Variants in NEMP2 observed in about 807,000 individuals in gnomAD.
NEMP2 encodes UPF0571 transmembrane protein.
Under a neutral mutation model 54.2 loss-of-function variants are expected in NEMP2, and 53 were observed. That is an observed-to-expected ratio of 0.98 (90% CI 0.78 to 1.23). The LOEUF is 1.23. NEMP2 is among the 50% of genes most tolerant of loss of function. NEMP2 has a pLI of 0.00. For missense variants in NEMP2, 455 were observed against 511.3 expected, an observed-to-expected ratio of 0.89 and a Z score of 1.06; for synonymous variants, 197 against 190.3, an observed-to-expected ratio of 1.04 and a Z score of -0.29.
At chr2:190,596,372 C>T in the NEMP2 span, among the ~76,000 whole-genome samples, 2 of 152,306 alleles carry the variant, frequency 1.3e-5, no homozygotes, top group East Asian at 3.9e-4. The surrounding 1 kb of genome is among the most constrained non-coding windows in gnomAD (Gnocchi z 5.1). Flanking sequence ...ATCTTCTGCA[C>T]ATGCATCCCA....
chr2:190,438,121 TACATGAC>T, the NEMP2 span, among the ~76,000 whole-genome samples: 2 of 152,074 alleles, frequency 1.3e-5, no homozygotes, highest in East Asian at 3.8e-4. The surrounding 1 kb of genome is among the most constrained non-coding windows in gnomAD (Gnocchi z 5.2). Context: ...TTTGGGTTAT[TACATGAC>T]TCCCTGCATT....
chr2:190,514,375 T>G lies in NEMP2; in HGVS notation c.953+78A>C. The G allele has an allele frequency of 8.0e-7, 1 of 1,246,854 alleles. No homozygotes were observed. The highest frequency in any genetic ancestry group is 1.1e-6 in the Non-Finnish European group (1 of 874,616). 77.2% of individuals were successfully genotyped at this position (1,246,854 alleles called of 1,614,324 possible). On this transcript the variant is annotated intron_variant, in intron 7 of 8. Transcript: ENST00000409150. The surrounding 1 kb of genome is among the most constrained non-coding windows in gnomAD (Gnocchi z 5.7). The stretch of plus-strand genomic sequence containing the variant: ...AAATGTAATTATGAGATTAACATGA[T>G]GTGTGCAAACACTCTCCCAAATAAT...
At chr2:190,647,032 C>T in the NEMP2 span, among the ~76,000 whole-genome samples, 22 of 152,296 alleles carry the variant, frequency 1.4e-4, no homozygotes, top group African/African-American at 4.8e-4. Context: ...TCCCCACCAA[C>T]CAAGAAATTG....
chr2:190,624,126 GT>G, the NEMP2 span, among the ~76,000 whole-genome samples: 9 of 152,072 alleles, frequency 5.9e-5, no homozygotes, highest in Admixed American at 3.3e-4. Flanking sequence ...CCAAAAAGGA[GT>G]TGGGGGGCAA....
At chr2:190,437,341 T>C in the NEMP2 span, 2 of 1,614,150 alleles carry the variant, frequency 1.2e-6, no homozygotes, top group Admixed American at 1.7e-5. The surrounding 1 kb of genome is among the most constrained non-coding windows in gnomAD (Gnocchi z 5.9). Context: ...CTTTTGGGAC[T>C]TAATCAAGCT....
At position 190,522,840 on chromosome 2, in the gene NEMP2, A is replaced by G. The variant is rs1690797533; in HGVS notation, c.213+2423T>C. 6.6e-6 allele frequency among the ~76,000 whole-genome samples: 1 copy of G among 152,184 alleles called. No individual in the cohort carries two copies. Among genetic ancestry groups the G allele is most frequent in the African/African-American group, 2.4e-5 (1 of 41,442 alleles). ...TGCCAATCAGAAAATTTAAAAATCT[A>G]CCTATAACCTGGAACACTGCACCCC... is the stretch of plus-strand genomic sequence containing the variant. On this transcript the variant is annotated intron_variant, in intron 2 of 8. Coordinates refer to ENST00000409150, the MANE Select transcript of NEMP2 (RefSeq NM_001142645.2). The surrounding 1 kb of genome is among the most constrained non-coding windows in gnomAD (Gnocchi z 5.0).
At chr2:190,518,850 T>A in intron 3 of NEMP2, 42 bp from the exon 4 acceptor site, 1 of 1,523,314 alleles carries the variant, frequency 6.6e-7, no homozygotes, top group Non-Finnish European at 8.8e-7. Context: ...AAAGATTTTT[T>A]ATCAATGTAA....
rs1049309706 is a variant in NEMP2 at position 190,526,045 on chromosome 2, T to TTAAGGCACTAACAA, written c.98-681_98-668dup. Among the ~76,000 whole-genome samples, 29 of 152,250 alleles carry TTAAGGCACTAACAA rather than the reference T, an allele frequency of 1.9e-4. 1 individual carries two copies. The highest frequency in any genetic ancestry group is 1.6e-3 in the Admixed American group (25 of 15,288). On this transcript the variant is annotated intron_variant, in intron 1 of 8. Coordinates refer to ENST00000409150, the MANE Select transcript of NEMP2 (RefSeq NM_001142645.2). ...TAGTTCAGTAAAGATATGGACAGGG[T>TTAAGGCACTAACAA]TAAGGCACTAACAATAAGGCACTAA... is the stretch of plus-strand genomic sequence containing the variant.
At chr2:190,466,839 C>G in the NEMP2 span, among the ~76,000 whole-genome samples, 3 of 152,192 alleles carry the variant, frequency 2.0e-5, no homozygotes, top group African/African-American at 7.2e-5. Flanking sequence ...TTCATAGCCA[C>G]TCAGCTTGTT....
At chr2:190,613,859 G>A in the NEMP2 span, among the ~76,000 whole-genome samples, 14 of 151,942 alleles carry the variant, frequency 9.2e-5, no homozygotes, top group South Asian at 2.1e-4. Flanking sequence ...TAAAGTGCTG[G>A]GATTACAGAC....
the NEMP2 span, among the ~76,000 whole-genome samples, chr2:190,448,748 C>A: frequency 6.6e-6 from 1 of 152,146 alleles, no homozygotes; most frequent in African/African-American, 2.4e-5. Flanking sequence ...GGATGGGGAA[C>A]AAAGGGGACC....
At chr2:190,555,748 G>T in the NEMP2 span, among the ~76,000 whole-genome samples, 1 of 152,084 alleles carries the variant, frequency 6.6e-6, no homozygotes, top group African/African-American at 2.4e-5. The surrounding 1 kb of genome is among the most constrained non-coding windows in gnomAD (Gnocchi z 4.8). Context: ...ACACTCTTCA[G>T]GATATTATCC....
chr2:190,497,947 G>T, the NEMP2 span: 1 of 401,442 alleles, frequency 2.5e-6, no homozygotes, highest in South Asian at 6.9e-5. The surrounding 1 kb of genome is among the most constrained non-coding windows in gnomAD (Gnocchi z 5.2). Flanking sequence ...AACTTCAGAG[G>T]TTATGATTCT....
the NEMP2 span, among the ~76,000 whole-genome samples, chr2:190,587,875 C>T: frequency 6.6e-6 from 1 of 152,126 alleles, no homozygotes; most frequent in East Asian, 1.9e-4. The surrounding 1 kb of genome is among the most constrained non-coding windows in gnomAD (Gnocchi z 5.4). Flanking sequence ...GAGGGGTCAA[C>T]CTCAAATTTC....
the NEMP2 span, among the ~76,000 whole-genome samples, chr2:190,563,770 T>C: frequency 1.3e-5 from 2 of 152,194 alleles, no homozygotes; most frequent in Admixed American, 6.5e-5. The surrounding 1 kb of genome is among the most constrained non-coding windows in gnomAD (Gnocchi z 4.3). Context: ...ATAGCTGGAA[T>C]CAATAGGCTG....
chr2:190,519,429 C>T lies in NEMP2; in HGVS notation c.214-246G>A, dbSNP rs1285391606. On this transcript the variant is annotated intron_variant, in intron 2 of 8. Coordinates refer to ENST00000409150, the MANE Select transcript of NEMP2 (RefSeq NM_001142645.2). This position sits in a 1 kb window ranked among gnomAD's most constrained non-coding sequence, Gnocchi z 5.4. ...AGAGATGAGGTTTCGCCATGTTTCCCAGGCTGGTCTCGAACTCCTGGGCTC... is the reference window on the plus strand; with the variant it reads ...AGAGATGAGGTTTCGCCATGTTTCCTAGGCTGGTCTCGAACTCCTGGGCTC... 6.6e-6 allele frequency among the ~76,000 whole-genome samples: 1 copy of T among 152,162 alleles called. No homozygotes were observed. The highest frequency in any genetic ancestry group is 2.4e-5 in the African/African-American group (1 of 41,424).
At chr2:190,566,933 C>A in the NEMP2 span, among the ~76,000 whole-genome samples, 1 of 151,962 alleles carries the variant, frequency 6.6e-6, no homozygotes, top group East Asian at 1.9e-4. Context: ...TTTGAGTGCT[C>A]TATTCTTAAA....
Position 190,531,108 on chromosome 2 carries a change from T to C in NEMP2, c.97+3451A>G, listed in dbSNP as rs944274030. On this transcript the variant is annotated intron_variant, in intron 1 of 8. Transcript: ENST00000409150. This position sits in a 1 kb window ranked among gnomAD's most constrained non-coding sequence, Gnocchi z 4.7. ...TCCCCTTACAATGCAATCCAGGAAA[T>C]GAAACAGAATTTCTAGGAATTTTTA... 2.0e-5 allele frequency among the ~76,000 whole-genome samples: 3 copies of C among 152,220 alleles called. No individual in the cohort carries two copies. Among genetic ancestry groups the C allele is most frequent in the Non-Finnish European group, 4.4e-5 (3 of 68,030 alleles).
At chr2:190,642,254 TA>T in the NEMP2 span, among the ~76,000 whole-genome samples, 15 of 152,348 alleles carry the variant, frequency 9.8e-5, no homozygotes, top group East Asian at 2.9e-3. This position sits in a 1 kb window ranked among gnomAD's most constrained non-coding sequence, Gnocchi z 4.1. Flanking sequence ...GAGATTGCAT[TA>T]TAAGTTCAAA....
Sources: allele counts gnomAD v4.1 joint callset (sites outside exome capture counted in the v4.1 genomes callset), GRCh38; gene constraint gnomAD v4.1.1; non-coding constraint Gnocchi (gnomAD v3.1); transcripts MANE v1.5; gene names NCBI Gene and HGNC (gene_info 2026-07-23, HGNC 2026-07-21).